The following RASEF variants were observed in gnomAD, a reference collection of about 807,000 sequenced individuals.
The protein encoded by RASEF is RAS and EF-hand domain containing, also known as ras and EF-hand domain-containing protein.
In RASEF, 68 loss-of-function variants were observed where a neutral mutation model predicts 90.1. The ratio of observed to expected loss-of-function variants is 0.75; its 90% CI spans 0.62 to 0.92. The LOEUF is 0.92. RASEF is among the 40% of genes least tolerant of loss of function. The probability of loss-of-function intolerance (pLI) is 0.00; values close to 1 mark genes in which losing one functional copy is unlikely to be tolerated. For synonymous variants in RASEF, 331 were observed against 345.2 expected (o/e 0.96, Z 0.46); for missense variants, 949 against 937.2 (o/e 1.01, Z -0.16).
chr9:83,044,417 AG>A (rs1829893190), intron 1 of RASEF, among the ~76,000 whole-genome samples: 1 of 152,160 alleles, frequency 6.6e-6, no homozygotes, highest in South Asian at 2.1e-4. Flanking sequence ...GGGTGAAGAC[AG>A]AGGGGTAGGA....
chr9:83,044,908 C>G (rs2118656090), intron 1 of RASEF, among the ~76,000 whole-genome samples: 1 of 152,152 alleles, frequency 6.6e-6, no homozygotes, highest in South Asian at 2.1e-4. Flanking sequence ...CAGTAAAGAC[C>G]TTAACAGAAC....
chr9:83,151,974 G>A, the RASEF span, among the ~76,000 whole-genome samples: 36 of 152,268 alleles, frequency 2.4e-4, no homozygotes, highest in Admixed American at 2.3e-3. Context: ...ACCAAGAGGG[G>A]AAGATACTTC....
At chr9:83,103,643 A>T in the RASEF span, among the ~76,000 whole-genome samples, 1 of 152,230 alleles carries the variant, frequency 6.6e-6, no homozygotes, top group South Asian at 2.1e-4. Flanking sequence ...CACAGAAAAA[A>T]AGAGGTATTA....
At chr9:83,005,002 G>A (rs1188469083) in intron 8 of RASEF, among the ~76,000 whole-genome samples, 1 of 152,126 alleles carries the variant, frequency 6.6e-6, no homozygotes. Context: ...TGGGATAAGA[G>A]GTCTTATGAC....
intron 1 of RASEF, among the ~76,000 whole-genome samples, chr9:83,057,144 G>A (rs376902937): frequency 6.6e-6 from 1 of 152,140 alleles, no homozygotes; most frequent in Non-Finnish European, 1.5e-5. Flanking sequence ...AAGGATGCCC[G>A]CTCTCACCAC....
the RASEF span, among the ~76,000 whole-genome samples, chr9:83,133,216 T>A: frequency 2.0e-5 from 3 of 152,172 alleles, no homozygotes; most frequent in African/African-American, 7.2e-5. Context: ...ATCAGTTCCT[T>A]ACTTGGCTTT....
the RASEF span, among the ~76,000 whole-genome samples, chr9:83,208,774 T>C: frequency 2.0e-5 from 3 of 152,162 alleles, no homozygotes; most frequent in African/African-American, 7.2e-5. Context: ...TCTGGGAGCT[T>C]AAAGGGAAGC....
the RASEF span, among the ~76,000 whole-genome samples, chr9:83,092,537 G>A: frequency 1.3e-5 from 2 of 151,794 alleles, no homozygotes; most frequent in African/African-American, 2.4e-5. Context: ...TTGTGGTCTC[G>A]CTGGCTTCAG....
the RASEF span, among the ~76,000 whole-genome samples, chr9:83,119,485 T>C: frequency 2.6e-5 from 4 of 152,200 alleles, no homozygotes; most frequent in Non-Finnish European, 4.4e-5. Flanking sequence ...TCCTACATGA[T>C]GGCTTGGTGC....
At chr9:83,161,839 G>A in the RASEF span, among the ~76,000 whole-genome samples, 1 of 151,958 alleles carries the variant, frequency 6.6e-6, no homozygotes, top group Non-Finnish European at 1.5e-5. Context: ...TGAGTCTTAG[G>A]AGATCTGATA....
In RASEF at chr9:83,012,419, A is replaced by T; in HGVS notation, c.843+15T>A. The T allele has an allele frequency of 7.0e-7, 1 of 1,427,912 alleles. No individual in the cohort carries two copies. The highest frequency in any genetic ancestry group is 9.6e-7 in the Non-Finnish European group (1 of 1,039,698). The allele number at this position is 1,427,912 out of a possible 1,614,324, so 88.5% of individuals were successfully genotyped here. On this transcript the variant is annotated intron_variant, in intron 5 of 16. Transcript: ENST00000376447. ...ACAGGAAGTGCATTTCTGTAAGTGA[A>T]AAGGTAATTCTTACCATTGATAAAT...
At chr9:83,191,262 G>GTTTT in the RASEF span, among the ~76,000 whole-genome samples, 1 of 152,134 alleles carries the variant, frequency 6.6e-6, no homozygotes, top group Non-Finnish European at 1.5e-5. Flanking sequence ...CAATCACTGA[G>GTTTT]AAAACCAATT....
chr9:83,027,895 T>C (rs951572271), intron 1 of RASEF, among the ~76,000 whole-genome samples: 1 of 152,218 alleles, frequency 6.6e-6, no homozygotes, highest in Non-Finnish European at 1.5e-5. Flanking sequence ...GGGCTGCATA[T>C]TGGCCTCCTT....
chr9:83,048,548 G>C (rs1181233079), intron 1 of RASEF: 1 of 985,002 alleles, frequency 1.0e-6, no homozygotes, highest in Non-Finnish European at 1.2e-6. Context: ...AAAAGTTTAA[G>C]TGAAGGAATG....
At chr9:83,098,120 A>G in the RASEF span, among the ~76,000 whole-genome samples, 1 of 152,188 alleles carries the variant, frequency 6.6e-6, no homozygotes, top group Non-Finnish European at 1.5e-5. Flanking sequence ...AACTAAACTA[A>G]TAAGAGTCAG....
chr9:83,032,381 A>G (rs1564083380), intron 1 of RASEF, among the ~76,000 whole-genome samples: 1 of 152,198 alleles, frequency 6.6e-6, no homozygotes, highest in Non-Finnish European at 1.5e-5. Flanking sequence ...TTACACTTGC[A>G]CTCTCAAATA....
At chr9:83,100,519 A>C in the RASEF span, among the ~76,000 whole-genome samples, 2 of 152,354 alleles carry the variant, frequency 1.3e-5, no homozygotes, top group South Asian at 2.1e-4. Context: ...ATGTGAATCA[A>C]TATTCAGTTT....
chr9:83,019,151 C>A (rs1829398124), intron 3 of RASEF, among the ~76,000 whole-genome samples: 1 of 151,862 alleles, frequency 6.6e-6, no homozygotes, highest in Non-Finnish European at 1.5e-5. Flanking sequence ...AATTTATACT[C>A]TTACTGTTAG....
At chr9:83,035,755 G>C (rs1429699869) in intron 1 of RASEF, among the ~76,000 whole-genome samples, 1 of 151,942 alleles carries the variant, frequency 6.6e-6, no homozygotes, top group Admixed American at 6.6e-5. Context: ...AAAAAAAAAG[G>C]AGCTGAGAAG....
Sources: allele counts gnomAD v4.1 joint callset (sites outside exome capture counted in the v4.1 genomes callset), GRCh38; gene constraint gnomAD v4.1.1; transcripts MANE v1.5; gene names NCBI Gene and HGNC (gene_info 2026-07-23, HGNC 2026-07-21).